Variants in SLC25A21 observed in about 807,000 individuals in gnomAD.
SLC25A21 encodes solute carrier family 25 member 21.
In SLC25A21, 47 loss-of-function variants were observed where a neutral mutation model predicts 43.8. The ratio of observed to expected loss-of-function variants is 1.07; its 90% CI spans 0.85 to 1.37. The LOEUF (loss-of-function observed/expected upper bound fraction) is 1.37. SLC25A21 is among the 40% of genes most tolerant of loss of function. The pLI is 0.00. For synonymous variants in SLC25A21, 131 were observed against 121.3 expected, an observed-to-expected ratio of 1.08 and a Z score of -0.52; for missense variants, 352 against 350.2, an observed-to-expected ratio of 1.00 and a Z score of -0.04.
intron 1 of SLC25A21, among the ~76,000 whole-genome samples, chr14:37,110,701 G>A (rs771593042): frequency 6.6e-6 from 1 of 151,896 alleles, no homozygotes; most frequent in Admixed American, 6.6e-5. Context: ...ACCATATTGC[G>A]CTCACTATTT....
At chr14:37,095,382 G>A (rs1410912924) in intron 1 of SLC25A21, among the ~76,000 whole-genome samples, 5 of 152,140 alleles carry the variant, frequency 3.3e-5, no homozygotes, top group African/African-American at 1.2e-4. Flanking sequence ...ACCGGGAGTG[G>A]TGGCACATGC....
intron 1 of SLC25A21, among the ~76,000 whole-genome samples, chr14:37,126,790 C>T (rs1262115749): frequency 6.6e-6 from 1 of 152,150 alleles, no homozygotes; most frequent in Non-Finnish European, 1.5e-5. Flanking sequence ...CTTCCTTGCC[C>T]TCAAGGGGCT....
intron 1 of SLC25A21, among the ~76,000 whole-genome samples, chr14:36,921,453 G>A (rs1473639892): frequency 6.6e-6 from 1 of 152,056 alleles, no homozygotes; most frequent in African/African-American, 2.4e-5. Flanking sequence ...ATCCTCAAAC[G>A]AGGACATTAG....
chr14:36,866,226 T>G (rs1225222570), intron 2 of SLC25A21, among the ~76,000 whole-genome samples: 1 of 152,192 alleles, frequency 6.6e-6, no homozygotes, highest in Non-Finnish European at 1.5e-5. Flanking sequence ...CAATCCTCCC[T>G]CAGCCCTCTG....
At chr14:36,871,585 TA>T (rs1287264165) in intron 2 of SLC25A21, among the ~76,000 whole-genome samples, 1 of 152,204 alleles carries the variant, frequency 6.6e-6, no homozygotes, top group African/African-American at 2.4e-5. Context: ...TTGAATTTGA[TA>T]CAACATACAT....
At chr14:37,042,466 TTTC>T (rs1438532521) in intron 1 of SLC25A21, among the ~76,000 whole-genome samples, 1 of 152,202 alleles carries the variant, frequency 6.6e-6, no homozygotes, top group Non-Finnish European at 1.5e-5. Flanking sequence ...ACTCTCCCAT[TTTC>T]TTTTTTAAAA....
intron 1 of SLC25A21, among the ~76,000 whole-genome samples, chr14:36,905,417 C>T (rs17105663): frequency 0.051 from 7,744 of 152,258 alleles, 303 homozygotes; most frequent in East Asian, 0.24. Context: ...AGATTCTGTG[C>T]CACTGTAGTA....
intron 1 of SLC25A21, chr14:36,952,475 A>G (rs1049031228): frequency 6.6e-6 from 1 of 152,286 alleles, no homozygotes; most frequent in Non-Finnish European, 1.5e-5. Flanking sequence ...GTTTCTGTTG[A>G]TAAGTTTCTT....
intron 7 of SLC25A21, among the ~76,000 whole-genome samples, chr14:36,708,676 A>G (rs1376884817): frequency 2.0e-5 from 3 of 151,908 alleles, no homozygotes; most frequent in Non-Finnish European, 2.9e-5. Context: ...GCCTCAAGCA[A>G]TCCTCTTGCC....
At chr14:37,146,328 C>T (rs1190338084) in intron 1 of SLC25A21, among the ~76,000 whole-genome samples, 1 of 152,066 alleles carries the variant, frequency 6.6e-6, no homozygotes, top group Non-Finnish European at 1.5e-5. Flanking sequence ...TCCATGCAGC[C>T]TTGATCTCCT....
chr14:37,063,429 G>A (rs1169075096), intron 1 of SLC25A21, among the ~76,000 whole-genome samples: 1 of 151,712 alleles, frequency 6.6e-6, no homozygotes, highest in Non-Finnish European at 1.5e-5. Context: ...GAACCCAGGA[G>A]GTGGAGGTTG....
At chr14:37,166,784 G>A (rs1333651313) in intron 1 of SLC25A21, among the ~76,000 whole-genome samples, 1 of 152,210 alleles carries the variant, frequency 6.6e-6, no homozygotes, top group Admixed American at 6.5e-5. Context: ...ATATCTTCTT[G>A]ATGAAGCTAG....
intron 1 of SLC25A21, among the ~76,000 whole-genome samples, chr14:37,008,216 TGAAA>T: frequency 6.6e-6 from 1 of 152,306 alleles, no homozygotes. Flanking sequence ...AACTCATGGT[TGAAA>T]GAGACTATCC....
intron 3 of SLC25A21, among the ~76,000 whole-genome samples, chr14:36,792,182 C>A (rs1887508952): frequency 6.6e-6 from 1 of 152,026 alleles, no homozygotes; most frequent in Admixed American, 6.6e-5. Flanking sequence ...TAAAATTATG[C>A]CAGTGGCTCA....
chr14:36,944,387 C>T (rs552100570), intron 1 of SLC25A21, among the ~76,000 whole-genome samples: 3 of 152,158 alleles, frequency 2.0e-5, no homozygotes, highest in Middle Eastern at 3.4e-3. Context: ...TGGCAGGTTG[C>T]GGGTGGAGGG....
At chr14:37,049,131 C>T (rs1370345705) in intron 1 of SLC25A21, among the ~76,000 whole-genome samples, 4 of 152,198 alleles carry the variant, frequency 2.6e-5, no homozygotes, top group African/African-American at 9.7e-5. Flanking sequence ...GAACTACTCA[C>T]ATAGCCTTGA....
intron 1 of SLC25A21, among the ~76,000 whole-genome samples, chr14:37,103,804 C>A (rs1962861744): frequency 6.6e-6 from 1 of 152,202 alleles, no homozygotes; most frequent in African/African-American, 2.4e-5. Context: ...GTCACTTCTA[C>A]CTGCTTCTCA....
intron 1 of SLC25A21, among the ~76,000 whole-genome samples, chr14:37,091,123 G>A (rs1042748687): frequency 4.6e-5 from 7 of 152,068 alleles, no homozygotes; most frequent in Non-Finnish European, 8.8e-5. Context: ...CTCATAAGGC[G>A]CATCTTGCCT....
intron 1 of SLC25A21, among the ~76,000 whole-genome samples, chr14:36,910,767 T>G (rs1315688354): frequency 6.6e-6 from 1 of 152,198 alleles, no homozygotes; most frequent in Non-Finnish European, 1.5e-5. Context: ...GGAATTACAG[T>G]CATTTCATCA....
Sources: allele counts gnomAD v4.1 joint callset (sites outside exome capture counted in the v4.1 genomes callset), GRCh38; gene constraint gnomAD v4.1.1; transcripts MANE v1.5; gene names NCBI Gene and HGNC (gene_info 2026-07-23, HGNC 2026-07-21).